Variants in SLC5A11 observed in about 807,000 individuals in gnomAD.
The protein encoded by SLC5A11 is sodium/myo-inositol cotransporter 2.
SLC5A11 carries 48 observed loss-of-function variants against 69.8 expected under a neutral mutation model. The observed-to-expected ratio is 0.69, with a 90% CI of 0.55 to 0.87. The LOEUF (loss-of-function observed/expected upper bound fraction) is 0.87. Among genes scored for constraint, SLC5A11 ranks in the 40% least tolerant of loss-of-function variants. SLC5A11 has a pLI of 0.00. For synonymous variants in SLC5A11, 319 were observed against 342.4 expected (o/e 0.93, Z 0.75); for missense variants, 784 against 866.1 (o/e 0.91, Z 1.19).
intron 10 of SLC5A11, among the ~76,000 whole-genome samples, chr16:24,899,704 C>T (rs975750328): frequency 6.7e-6 from 1 of 150,056 alleles, no homozygotes; most frequent in Non-Finnish European, 1.5e-5. Flanking sequence ...AGCTGGCCTG[C>T]GGTACTTTTT....
At chr16:24,877,187 C>A in intron 6 of SLC5A11, 71 bp from the exon 8 acceptor site, 2 of 1,588,022 alleles carry the variant, frequency 1.3e-6, no homozygotes, top group South Asian at 1.2e-5. Context: ...TCCCAGGGAA[C>A]CTGTGCTGCA....
At chr16:24,850,684 C>A (rs974240017) in intron 1 of SLC5A11, among the ~76,000 whole-genome samples, 1 of 152,214 alleles carries the variant, frequency 6.6e-6, no homozygotes, top group Non-Finnish European at 1.5e-5. Flanking sequence ...GGCCTTAGAC[C>A]CGGCCTCAGC....
chr16:24,873,558 A>G (rs1320045228), intron 5 of SLC5A11, among the ~76,000 whole-genome samples: 1 of 151,462 alleles, frequency 6.6e-6, no homozygotes, highest in African/African-American at 2.4e-5. Flanking sequence ...AGGATGGGAG[A>G]CTGAGGAGGA....
chr16:24,911,091 C>T (rs1414425111), intron 15 of SLC5A11, among the ~76,000 whole-genome samples: 1 of 149,294 alleles, frequency 6.7e-6, no homozygotes, highest in African/African-American at 2.5e-5. Context: ...ATCGCTTGAA[C>T]CTGGGAGGTG....
chr16:24,881,993 T>C (rs2048078952), intron 7 of SLC5A11, among the ~76,000 whole-genome samples: 1 of 152,214 alleles, frequency 6.6e-6, no homozygotes, highest in Non-Finnish European at 1.5e-5. Context: ...AGTCCCCTGA[T>C]ACAGAAAGAC....
At chr16:24,899,832 T>G (rs2667743) in intron 10 of SLC5A11, among the ~76,000 whole-genome samples, 31,604 of 151,958 alleles carry the variant, frequency 0.21, 3,994 homozygotes, top group South Asian at 0.42. Flanking sequence ...GTCTCCTTAG[T>G]AGCTGGACTA....
intron 2 of SLC5A11, among the ~76,000 whole-genome samples, chr16:24,860,756 A>C (rs2059733788): frequency 6.6e-6 from 1 of 151,654 alleles, no homozygotes; most frequent in Non-Finnish European, 1.5e-5. Context: ...CTCAGCCTGG[A>C]GTGCACTGGT....
At chr16:24,876,990 G>T in intron 6 of SLC5A11, 1 of 978,064 alleles carries the variant, frequency 1.0e-6, no homozygotes, top group South Asian at 2.4e-5. Context: ...ATTTAATGAA[G>T]GTTGCAGTGT....
Position 24,862,589 on chromosome 16 carries a change from T to C in SLC5A11, c.136-12T>C, listed in dbSNP as rs192418816. On this transcript the variant is annotated splice_polypyrimidine_tract_variant and intron_variant, in intron 2 of 15. Coordinates refer to ENST00000347898, the Ensembl canonical transcript of SLC5A11. ...CGTCTTCCCTCACCCACCTCTCTTC[T>C]TTTTTTTTCAGTCCACAGTGAAGAC... The C allele has an allele frequency of 2.4e-5, 36 of 1,507,906 alleles. No individual in the cohort carries two copies. Among genetic ancestry groups the C allele is most frequent in the Non-Finnish European group, 2.4e-5 (26 of 1,098,186 alleles). 93.4% of individuals were successfully genotyped at this position (1,507,906 alleles called of 1,614,324 possible).
intron 8 of SLC5A11, among the ~76,000 whole-genome samples, chr16:24,885,789 A>C (rs1375392365): frequency 2.0e-5 from 3 of 152,064 alleles, no homozygotes; most frequent in Non-Finnish European, 4.4e-5. Context: ...TCAGAAGAAA[A>C]TATCAAGAGA....
exon 9 of SLC5A11, chr16:24,891,047 A>T: frequency 6.2e-7 from 1 of 1,614,120 alleles, no homozygotes; most frequent in Non-Finnish European, 8.5e-7. Context: ...TGTCCATCCC[A>T]TCCCTCTGGT....
chr16:24,910,135 T>G (rs1318189492), intron 14 of SLC5A11, among the ~76,000 whole-genome samples, 171 bp from the exon 16 acceptor site: 1 of 124,804 alleles, frequency 8.0e-6, no homozygotes, highest in East Asian at 2.4e-4. Context: ...GCGCTGATGT[T>G]GAAGAGTGCA....
rs769791073 is a variant in SLC5A11 at position 24,849,379 on chromosome 16, C to T, written c.-25+2941C>T. Reference sequence around the variant, plus strand: ...GGTCAGGAGTTCAAGACAAGCTGGGCAACATGGTGAAACCCCATCTCTACT... The same window carrying T: ...GGTCAGGAGTTCAAGACAAGCTGGGTAACATGGTGAAACCCCATCTCTACT... On this transcript the variant is annotated intron_variant, in intron 1 of 15. Transcript: ENST00000347898. 2.6e-4 allele frequency among the ~76,000 whole-genome samples: 39 copies of T among 151,612 alleles called. No individual in the cohort carries two copies. The Middle Eastern group carries it at 0.014, about 53-fold the overall frequency.
chr16:24,884,073 C>T (rs757223117), exon 8 of SLC5A11: 3 of 1,614,120 alleles, frequency 1.9e-6, no homozygotes, highest in Middle Eastern at 3.3e-4. Flanking sequence ...CTGTGATCTA[C>T]ACGGATGCCC....
intron 12 of SLC5A11, 31 bp downstream of exon 13, chr16:24,907,206 G>A (rs1362256561): frequency 6.2e-7 from 1 of 1,611,088 alleles, no homozygotes; most frequent in South Asian, 1.1e-5. Context: ...GCTGGGGCAG[G>A]GGGAAGAGAG....
intron 8 of SLC5A11, among the ~76,000 whole-genome samples, chr16:24,888,061 A>C (rs2048500241): frequency 1.3e-5 from 2 of 152,174 alleles, no homozygotes; most frequent in African/African-American, 2.4e-5. Flanking sequence ...CAAATGAATA[A>C]GCGTTCTCCT....
At chr16:24,861,661 AAAG>A (rs1597018022) in intron 2 of SLC5A11, among the ~76,000 whole-genome samples, 1 of 145,532 alleles carries the variant, frequency 6.9e-6, no homozygotes, top group South Asian at 2.3e-4. Context: ...GAAGAAAGAA[AAAG>A]AAAGAAAGGA....
At chr16:24,856,876 A>G (rs879624026) in intron 1 of SLC5A11, among the ~76,000 whole-genome samples, 1 of 152,104 alleles carries the variant, frequency 6.6e-6, no homozygotes, top group Non-Finnish European at 1.5e-5. Flanking sequence ...GCTGGAGTGC[A>G]GTGGTACAAT....
At chr16:24,891,310 C>CTTT (rs11286846) in intron 9 of SLC5A11, among the ~76,000 whole-genome samples, 7 of 102,168 alleles carry the variant, frequency 6.9e-5, no homozygotes, top group African/African-American at 7.3e-5. Context: ...CACACTCTGC[C>CTTT]TTTTTTTTTT....
Sources: gnomAD v4.1 joint callset for allele counts (sites outside exome capture counted in the v4.1 genomes callset) on GRCh38, gnomAD v4.1.1 for gene constraint, MANE v1.5 for transcripts, NCBI Gene and HGNC (gene_info 2026-07-23, HGNC 2026-07-21) for gene names.